LRRC4C: variants seen among roughly 807,000 people sequenced by gnomAD.
LRRC4C encodes leucine rich repeat containing 4C.
A neutral mutation model predicts 33.6 loss-of-function variants in LRRC4C; 5 were observed. That is an observed-to-expected ratio of 0.15 (90% CI 0.08 to 0.31). The LOEUF (loss-of-function observed/expected upper bound fraction) is 0.31, where lower values mean the gene tolerates loss of function less well. Among genes scored for constraint, LRRC4C ranks in the 10% least tolerant of loss-of-function variants. The pLI, the probability that LRRC4C is intolerant of heterozygous loss-of-function variation, is 1.00. For synonymous variants in LRRC4C, 329 were observed against 302.0 expected, an observed-to-expected ratio of 1.09 and a Z score of -0.93; for missense variants, 560 against 796.7, an observed-to-expected ratio of 0.70 and a Z score of 3.58.
chr11:40,419,275 C>G (rs1163210810), intron 3 of LRRC4C, among the ~76,000 whole-genome samples: 1 of 152,026 alleles, frequency 6.6e-6, no homozygotes, highest in African/African-American at 2.4e-5. Flanking sequence ...AAATATTTCT[C>G]AAAATACTGA....
chr11:40,997,748 T>C (rs1854085128), intron 1 of LRRC4C, among the ~76,000 whole-genome samples: 1 of 152,020 alleles, frequency 6.6e-6, no homozygotes, highest in Non-Finnish European at 1.5e-5. Context: ...AGGAGAGCCT[T>C]CTAGATGAGA....
intron 2 of LRRC4C, among the ~76,000 whole-genome samples, chr11:40,712,330 T>C (rs1167520592): frequency 6.6e-6 from 1 of 152,196 alleles, no homozygotes; most frequent in African/African-American, 2.4e-5. Context: ...TGATTTTCAC[T>C]TAGTGGATTT....
intron 4 of LRRC4C, among the ~76,000 whole-genome samples, chr11:40,281,267 A>C (rs183693654): frequency 9.3e-4 from 142 of 152,264 alleles, no homozygotes; most frequent in Non-Finnish European, 3.2e-4. Flanking sequence ...TTCAGTTAGT[A>C]AAAATCGGAG....
At chr11:41,149,947 T>A (rs1368793222) in intron 1 of LRRC4C, among the ~76,000 whole-genome samples, 1 of 152,212 alleles carries the variant, frequency 6.6e-6, no homozygotes, top group Non-Finnish European at 1.5e-5. Context: ...TTTCAAAAAA[T>A]GCTACCTGTA....
At chr11:40,376,797 T>G (rs1948677684) in intron 3 of LRRC4C, among the ~76,000 whole-genome samples, 1 of 151,932 alleles carries the variant, frequency 6.6e-6, no homozygotes, top group Non-Finnish European at 1.5e-5. Flanking sequence ...ACTACCTACA[T>G]AGTGGTCCGT....
intron 3 of LRRC4C, among the ~76,000 whole-genome samples, chr11:40,633,535 CCCA>C (rs1405190353): frequency 6.6e-6 from 1 of 151,576 alleles, no homozygotes; most frequent in Non-Finnish European, 1.5e-5. Context: ...ATTACAGGTG[CCCA>C]CCACCACGCC....
At chr11:41,034,820 T>C (rs1856964587) in intron 1 of LRRC4C, among the ~76,000 whole-genome samples, 1 of 150,256 alleles carries the variant, frequency 6.7e-6, no homozygotes, top group Admixed American at 6.7e-5. Context: ...ATTCTAATAT[T>C]AATTACATTG....
At chr11:40,660,002 G>A (rs1014404724) in intron 2 of LRRC4C, among the ~76,000 whole-genome samples, 3 of 152,212 alleles carry the variant, frequency 2.0e-5, no homozygotes, top group African/African-American at 4.8e-5. Flanking sequence ...AAGATCTAGG[G>A]GCTCCCTGAG....
chr11:40,625,378 G>A (rs916847957), intron 3 of LRRC4C, among the ~76,000 whole-genome samples: 1 of 152,132 alleles, frequency 6.6e-6, no homozygotes, highest in Admixed American at 6.6e-5. Context: ...CTAACATAAG[G>A]GAAGGTGAAA....
At chr11:40,729,023 T>G (rs1174405842) in intron 2 of LRRC4C, among the ~76,000 whole-genome samples, 1 of 152,090 alleles carries the variant, frequency 6.6e-6, no homozygotes, top group Non-Finnish European at 1.5e-5. Flanking sequence ...AAATTTTCTA[T>G]TGAATATTAT....
chr11:40,367,196 A>T (rs1190940546), intron 3 of LRRC4C, among the ~76,000 whole-genome samples: 3 of 152,052 alleles, frequency 2.0e-5, no homozygotes, highest in Admixed American at 2.0e-4. Flanking sequence ...CATTAATTTA[A>T]TTTCTTGTTT....
intron 1 of LRRC4C, among the ~76,000 whole-genome samples, chr11:41,104,299 C>T (rs770962809): frequency 4.0e-5 from 6 of 151,754 alleles, no homozygotes; most frequent in Non-Finnish European, 8.8e-5. Flanking sequence ...AAATGAGCAA[C>T]AGATTTGAAT....
At chr11:40,646,305 G>T (rs1346367302) in intron 3 of LRRC4C, among the ~76,000 whole-genome samples, 1 of 152,162 alleles carries the variant, frequency 6.6e-6, no homozygotes, top group Non-Finnish European at 1.5e-5. Context: ...GACATTCAGG[G>T]AGAAGTAGAG....
intron 1 of LRRC4C, among the ~76,000 whole-genome samples, chr11:41,111,635 T>C (rs1941838011): frequency 6.6e-6 from 1 of 152,074 alleles, no homozygotes; most frequent in Non-Finnish European, 1.5e-5. Context: ...TTTTTCTCCT[T>C]AGCACTTTGA....
At chr11:41,023,720 G>T (rs1023663344) in intron 1 of LRRC4C, among the ~76,000 whole-genome samples, 1 of 151,694 alleles carries the variant, frequency 6.6e-6, no homozygotes, top group Non-Finnish European at 1.5e-5. Context: ...GTTTTCCAAA[G>T]ATCCTTTAAG....
At chr11:41,446,420 T>C (rs973223223) in intron 1 of LRRC4C, among the ~76,000 whole-genome samples, 9 of 152,320 alleles carry the variant, frequency 5.9e-5, no homozygotes, top group African/African-American at 2.2e-4. Flanking sequence ...TGCATTCAGC[T>C]AGAGAACAGG....
At chr11:41,158,344 T>C (rs933686451) in intron 1 of LRRC4C, among the ~76,000 whole-genome samples, 2 of 152,100 alleles carry the variant, frequency 1.3e-5, no homozygotes, top group Admixed American at 6.6e-5. Flanking sequence ...GAGGTATTTC[T>C]GAAAAGTAAT....
At chr11:40,345,470 T>C (rs1422545483) in intron 3 of LRRC4C, among the ~76,000 whole-genome samples, 1 of 152,174 alleles carries the variant, frequency 6.6e-6, no homozygotes, top group Non-Finnish European at 1.5e-5. Context: ...ATTTAATAAA[T>C]GGTGCTGGGA....
At chr11:40,352,414 G>T (rs372695333) in intron 3 of LRRC4C, among the ~76,000 whole-genome samples, 4 of 151,506 alleles carry the variant, frequency 2.6e-5, no homozygotes, top group African/African-American at 9.7e-5. Context: ...ATCCCACTCC[G>T]CTTTTAAACT....
Sources: allele counts gnomAD v4.1 joint callset (sites outside exome capture counted in the v4.1 genomes callset), GRCh38; gene constraint gnomAD v4.1.1; transcripts MANE v1.5; gene names NCBI Gene and HGNC (gene_info 2026-07-23, HGNC 2026-07-21).